The following FLNB variants were observed in gnomAD, a reference collection of about 807,000 sequenced individuals.
FLNB encodes the protein filamin B, also known as filamin-B.
FLNB carries 111 observed loss-of-function variants against 250.6 expected under a neutral mutation model. The observed-to-expected ratio is 0.44, with a 90% CI of 0.38 to 0.52. The LOEUF (loss-of-function observed/expected upper bound fraction) is 0.52, where lower values mean the gene tolerates loss of function less well. Ranked by LOEUF, FLNB falls within the 20% of genes least tolerant of loss-of-function variation. The probability of loss-of-function intolerance (pLI) is 0.00; values close to 1 mark genes in which losing one functional copy is unlikely to be tolerated. For synonymous variants in FLNB, 1,302 were observed against 1,372.1 expected (o/e 0.95, Z 1.13); for missense variants, 2,869 against 3,447.8 (o/e 0.83, Z 4.20).
rs2097313247 is a variant in FLNB, at chr3:58,134,711, C to T, written c.4610C>T (p.Pro1537Leu). ...LSSYGVPASL[P>L]VDFAIDARDA... is the part of the protein sequence containing the mutation. The stretch of plus-strand genomic sequence containing the variant: ...TCCTATGGTGTGCCTGCCAGTCTAC[C>T]TGTGGACTTTGCAATTGATGCCCGA... The change falls in exon 27 of 46, where the codon CCT (proline) becomes CTT (leucine). Residue 1537 changes from proline to leucine, a missense_variant. Transcript: ENST00000295956. 1.2e-6 allele frequency: 2 copies of T among 1,614,122 alleles called. No homozygotes were observed. Among genetic ancestry groups the T allele is most frequent in the Non-Finnish European group, 1.7e-6 (2 of 1,179,954 alleles).
chr3:58,064,040 A>C (rs2106894039), intron 1 of FLNB, among the ~76,000 whole-genome samples: 1 of 152,218 alleles, frequency 6.6e-6, no homozygotes, highest in African/African-American at 2.4e-5. Flanking sequence ...TAATAACGCC[A>C]TTATCTCTTT....
chr3:58,154,709 C>A, intron 39 of FLNB, 82 bp from the exon 40 acceptor site: 1 of 1,438,446 alleles, frequency 7.0e-7, no homozygotes, highest in Non-Finnish European at 9.8e-7. Flanking sequence ...CGAAACCTAG[C>A]ACTGCAGGTT....
intron 35 of FLNB, 130 bp from the exon 36 acceptor site, chr3:58,148,519 C>A: frequency 8.3e-7 from 1 of 1,207,790 alleles, no homozygotes; most frequent in Non-Finnish European, 1.2e-6. Context: ...CGTATTTGTG[C>A]ATTGTGATAT....
At chr3:58,056,715 C>T (rs9870239) in intron 1 of FLNB, among the ~76,000 whole-genome samples, 8,795 of 151,412 alleles carry the variant, frequency 0.058, 819 homozygotes, top group African/African-American at 0.2. Flanking sequence ...CTCAGCCTCT[C>T]GAGTAGCTAG....
chr3:58,070,950 T>G (rs2097193527), intron 1 of FLNB, among the ~76,000 whole-genome samples: 1 of 148,702 alleles, frequency 6.7e-6, no homozygotes, highest in African/African-American at 2.6e-5. Flanking sequence ...TCTCTCTCTC[T>G]TGTTTTTTTT....
Position 58,159,578 on chromosome 3 carries a change from C to A in FLNB, c.6913C>A (p.Pro2305Thr), listed in dbSNP as rs2097358326. The stretch of plus-strand genomic sequence containing the variant: ...GGAATCGGGATTAAAAGTTAACCAG[C>A]CAGCATCCTTTGCTATAAGGTTGAA... ...LQESGLKVNQ[P>T]ASFAIRLNGA... The change falls in exon 42 of 46, where the codon CCA becomes ACA. Residue 2305 changes from proline to threonine, a missense_variant. Around this residue, in one of 5 missense-constraint regions of FLNB, gnomAD observed 1,084 missense variants for 1,315.5 expected, o/e 0.82. Transcript: ENST00000295956. 6.2e-7 allele frequency: 1 copy of A among 1,613,966 alleles called. No individual in the cohort carries two copies. The highest frequency in any genetic ancestry group is 1.7e-5 in the Admixed American group (1 of 59,994).
intron 33 of FLNB, 124 bp downstream of exon 33, chr3:58,146,173 C>G: frequency 1.8e-6 from 2 of 1,123,280 alleles, no homozygotes; most frequent in Non-Finnish European, 2.6e-6. Flanking sequence ...TGTCTTTTCT[C>G]TCGTGTAAAT....
At chr3:58,085,918 G>A (rs540761356) in intron 4 of FLNB, among the ~76,000 whole-genome samples, 121 of 152,116 alleles carry the variant, frequency 8.0e-4, no homozygotes, top group Non-Finnish European at 1.5e-3. Flanking sequence ...TGCAGAGTAC[G>A]TTGTTTCTTA....
intron 11 of FLNB, among the ~76,000 whole-genome samples, chr3:58,106,186 C>G (rs560585421): frequency 6.6e-6 from 1 of 152,078 alleles, no homozygotes; most frequent in Non-Finnish European, 1.5e-5. Flanking sequence ...GACTGTGTAT[C>G]CTTGGTAATT....
At chr3:58,068,963 A>G (rs977365010) in intron 1 of FLNB, among the ~76,000 whole-genome samples, 2 of 151,838 alleles carry the variant, frequency 1.3e-5, no homozygotes, top group African/African-American at 4.8e-5. Context: ...CCTGGGCAAC[A>G]TGGCGGAACC....
intron 1 of FLNB, among the ~76,000 whole-genome samples, chr3:58,075,256 T>C (rs13072796): frequency 0.26 from 39,139 of 151,958 alleles, 5,974 homozygotes; most frequent in Middle Eastern, 0.4. Flanking sequence ...CAGTCACTCC[T>C]CAACAAGCGG....
intron 1 of FLNB, among the ~76,000 whole-genome samples, chr3:58,031,505 G>A (rs2097131061): frequency 6.9e-6 from 1 of 145,820 alleles, no homozygotes; most frequent in South Asian, 2.2e-4. Flanking sequence ...GCCTCCCAAA[G>A]TGCTAGGGGA....
intron 19 of FLNB, 106 bp downstream of exon 19, chr3:58,119,095 T>C: frequency 1.2e-6 from 1 of 863,586 alleles, no homozygotes; most frequent in Non-Finnish European, 2.0e-6. Flanking sequence ...AAATTCTATG[T>C]TAAGAGACTT....
chr3:58,047,037 T>C (rs1031902788), intron 1 of FLNB, among the ~76,000 whole-genome samples: 6 of 152,244 alleles, frequency 3.9e-5, no homozygotes, highest in African/African-American at 1.4e-4. Context: ...TTCAGATTTA[T>C]TTTTACTTTG....
intron 1 of FLNB, among the ~76,000 whole-genome samples, chr3:58,011,834 G>C (rs1485930403): frequency 6.6e-6 from 1 of 152,204 alleles, no homozygotes; most frequent in Non-Finnish European, 1.5e-5. Flanking sequence ...AGAGAGTTCA[G>C]GGCTTAACAC....
Position 58,163,227 on chromosome 3 carries a change from C to T in FLNB, c.7095C>T (p.His2365=), listed in dbSNP as rs775724521. The change falls in exon 43 of 46, where the codon CAC becomes CAT. Residue 2365 remains histidine (H), a synonymous_variant. Coordinates refer to ENST00000295956, the MANE Select transcript of FLNB (RefSeq NM_001457.4). ...TCGATGTCAAGTTCAATGGGAGCCA[C>T]GTGGTTGGAAGCCCCTTCAAAGTGC... ...HTIDVKFNGS[H]VVGSPFKVRV... The T allele has an allele frequency of 1.4e-5, 23 of 1,614,072 alleles. No homozygotes were observed. The East Asian group carries it at 3.3e-4, about 23-fold the overall frequency.
At chr3:58,026,577 C>A (rs569710406) in intron 1 of FLNB, among the ~76,000 whole-genome samples, 12 of 152,300 alleles carry the variant, frequency 7.9e-5, no homozygotes, top group African/African-American at 2.9e-4. Context: ...ACAGGGAATT[C>A]TGTGGCTCCT....
chr3:58,050,218 C>T (rs539652391), intron 1 of FLNB, among the ~76,000 whole-genome samples: 27 of 152,040 alleles, frequency 1.8e-4, no homozygotes, highest in Admixed American at 1.1e-3. Context: ...TTAGTACAGA[C>T]GGGGTTTCAC....
chr3:58,131,107 C>T (rs61680876), intron 25 of FLNB, among the ~76,000 whole-genome samples, 199 bp downstream of exon 25: 1 of 152,132 alleles, frequency 6.6e-6, no homozygotes, highest in Non-Finnish European at 1.5e-5. Flanking sequence ...AGTGATCTGT[C>T]CCCCCATTTA....
Sources: allele counts gnomAD v4.1 joint callset (sites outside exome capture counted in the v4.1 genomes callset), GRCh38; gene constraint gnomAD v4.1.1; regional missense constraint gnomAD v4.1.1; transcripts MANE v1.5; gene names NCBI Gene and HGNC (gene_info 2026-07-23, HGNC 2026-07-21).